ADGRG2: variants seen among roughly 807,000 people sequenced by gnomAD.
ADGRG2 encodes the protein G protein-coupled receptor 64.
Under a neutral mutation model 74.1 loss-of-function variants are expected in ADGRG2, and 26 were observed. The ratio of observed to expected loss-of-function variants is 0.35; its 90% confidence interval spans 0.26 to 0.49. The LOEUF is 0.49. Ranked by LOEUF, ADGRG2 falls within the 20% of genes least tolerant of loss-of-function variation. The pLI is 0.99. For missense variants in ADGRG2, 619 were observed against 763.1 expected, an observed-to-expected ratio of 0.81 and a Z score of 2.22; for synonymous variants, 296 against 295.2, an observed-to-expected ratio of 1.00 and a Z score of -0.03.
chrX:19,053,360 G>C (rs771054180), intron 3 of ADGRG2, among the ~76,000 whole-genome samples: 9 of 110,659 alleles, frequency 8.1e-5, no homozygotes, highest in Middle Eastern at 4.7e-3. Context: ...CGGGGCGGAG[G>C]GGGGGTCACT....
At chrX:19,060,225 G>A (rs60790550) in intron 3 of ADGRG2, among the ~76,000 whole-genome samples, 3,108 of 112,682 alleles carry the variant, frequency 0.028, 103 homozygotes, top group African/African-American at 0.093. Flanking sequence ...ATAACTTGGG[G>A]GATTTGCCAG....
chrX:19,079,592 G>A (rs924551872), intron 2 of ADGRG2, among the ~76,000 whole-genome samples: 2 of 112,063 alleles, frequency 1.8e-5, no homozygotes, highest in African/African-American at 6.5e-5. Context: ...GTGCTGAATA[G>A]GAACTCTAAA....
At position 18,990,422 on chromosome X, in the gene ADGRG2, T is replaced by C. The variant is rs1569348953; in HGVS notation, c.*442A>G. 1 of 113,542 alleles carries C rather than the reference T, an allele frequency of 8.8e-6. No homozygotes were observed. Among genetic ancestry groups the C allele is most frequent in the African/African-American group, 3.2e-5 (1 of 31,024 alleles). The allele number at this position is 113,542 out of a possible 1,213,427, so 9.4% of individuals were successfully genotyped here. On this transcript the variant is annotated 3_prime_UTR_variant, in exon 29 of 29. Coordinates refer to ENST00000379869, the MANE Select transcript of ADGRG2 (RefSeq NM_001079858.3). ...AGTAGAAAATAAATACAAAAAAATG[T>C]AGAAGTAAGATTTTTGACACATGGG...
chrX:19,118,685 G>A (rs756687425), intron 1 of ADGRG2, among the ~76,000 whole-genome samples: 6 of 112,252 alleles, frequency 5.3e-5, no homozygotes, highest in Admixed American at 2.8e-4. Context: ...CACTGTGCCC[G>A]GTTATCAGTT....
Position 19,013,988 on chromosome X carries a change from C to G in ADGRG2, c.797G>C (p.Arg266Pro). The change falls in exon 16 of 29, where the codon CGG becomes CCG. Residue 266 changes from arginine (R) to proline (P), a missense_variant. By Grantham distance (103) the Arg-to-Pro change is moderately radical (BLOSUM62 -2). This residue lies in a region of ADGRG2 where 292 missense variants were observed against 318.0 expected (regional missense o/e 0.92). Transcript: ENST00000379869. ...SSSQSIPVVP[R>P]ATVLSQVPKA... is the part of the protein sequence containing the mutation. Reference sequence around the variant, plus strand: ...GGGGACCTGGGAAAGCACAGTGGCCCGAGGCACCACTGGGATGGATTGGCT... The same window carrying G: ...GGGGACCTGGGAAAGCACAGTGGCCGGAGGCACCACTGGGATGGATTGGCT... The G allele has an allele frequency of 8.3e-7, 1 of 1,209,298 alleles. No homozygotes were observed. The highest frequency in any genetic ancestry group is 1.1e-6 in the Non-Finnish European group (1 of 893,982).
chrX:19,102,406 G>T (rs935547568), intron 1 of ADGRG2, among the ~76,000 whole-genome samples: 3 of 109,960 alleles, frequency 2.7e-5, no homozygotes, highest in African/African-American at 9.9e-5. Context: ...TTCCTCTTTA[G>T]TACTCTTTGT....
In ADGRG2 at chrX:18,999,138, C is replaced by T. The variant is rs765384142; in HGVS notation, c.2472G>A (p.Gln824=). 7.4e-6 allele frequency: 9 copies of T among 1,209,633 alleles called. No homozygotes were observed. The Admixed American group carries it at 1.1e-4, about 15-fold the overall frequency. Residue 824 remains glutamine, a synonymous_variant, in exon 26 of 29, where the codon CAG becomes CAA. Coordinates refer to ENST00000379869, the MANE Select transcript of ADGRG2 (RefSeq NM_001079858.3). ...TGAGGTCTTGAATACTGGTTTTTCGCTGGGCTCCCAGTTGCTTCTTCTTTT... is the reference window on the plus strand; with the variant it reads ...TGAGGTCTTGAATACTGGTTTTTCGTTGGGCTCCCAGTTGCTTCTTCTTTT... ...RIKKKKQLGA[Q]RKTSIQDLRS...
intron 3 of ADGRG2, among the ~76,000 whole-genome samples, chrX:19,055,268 G>A (rs57504811): frequency 2.5e-3 from 246 of 99,666 alleles, no homozygotes; most frequent in South Asian, 0.012. Flanking sequence ...GTGTGTGTGT[G>A]TGTATGTGTG....
At chrX:19,117,018 G>A (rs1467907991) in intron 1 of ADGRG2, among the ~76,000 whole-genome samples, 1 of 112,069 alleles carries the variant, frequency 8.9e-6, no homozygotes, top group Non-Finnish European at 1.9e-5. Flanking sequence ...GTGGCCAGGC[G>A]TGATGGCTCA....
chrX:19,022,738 C>T (rs2060617404), intron 13 of ADGRG2, among the ~76,000 whole-genome samples: 1 of 111,788 alleles, frequency 8.9e-6, no homozygotes, highest in Non-Finnish European at 1.9e-5. Flanking sequence ...ACTCTGTCAC[C>T]CATGCTGGAG....
Position 19,013,674 on chromosome X carries a change from A to G in ADGRG2, c.1099+12T>C, listed in dbSNP as rs2060404315. 8.6e-7 allele frequency: 1 copy of G among 1,160,322 alleles called. No individual in the cohort carries two copies. The highest frequency in any genetic ancestry group is 1.8e-5 in the African/African-American group (1 of 55,237). On this transcript the variant is annotated intron_variant, in intron 16 of 28. Coordinates refer to ENST00000379869, the MANE Select transcript of ADGRG2 (RefSeq NM_001079858.3). ...TGATTGGCAGATTGGCCGCTGTTCA[A>G]GTGACATTTACCTGTCTGGACAGGA...
intron 2 of ADGRG2, among the ~76,000 whole-genome samples, chrX:19,069,972 G>A (rs1438457545): frequency 1.8e-5 from 2 of 112,319 alleles, no homozygotes; most frequent in African/African-American, 3.2e-5. Context: ...AAGAATGCGC[G>A]GTAACACATG....
chrX:19,107,155 C>A (rs1357714155), intron 1 of ADGRG2, among the ~76,000 whole-genome samples: 1 of 111,963 alleles, frequency 8.9e-6, no homozygotes, highest in African/African-American at 3.2e-5. Flanking sequence ...AGCAGCATCA[C>A]CTCACCTAGG....
At chrX:19,046,701 G>C (rs907885597) in intron 3 of ADGRG2, among the ~76,000 whole-genome samples, 3 of 111,876 alleles carry the variant, frequency 2.7e-5, no homozygotes, top group Admixed American at 9.5e-5. Flanking sequence ...AAGAGCAAAG[G>C]GGGGAGGTAA....
At chrX:19,070,052 G>A (rs1233016038) in intron 2 of ADGRG2, among the ~76,000 whole-genome samples, 1 of 112,020 alleles carries the variant, frequency 8.9e-6, no homozygotes, top group Admixed American at 9.4e-5. Context: ...TCCTGCTCCT[G>A]CTGGTTGCCC....
chrX:19,116,933 G>A (rs1025831525), intron 1 of ADGRG2, among the ~76,000 whole-genome samples: 2 of 112,211 alleles, frequency 1.8e-5, no homozygotes, highest in Middle Eastern at 4.6e-3. Flanking sequence ...TTGCACACAG[G>A]AGAAAGACAA....
chrX:19,005,215 C>T (rs2060205090), intron 22 of ADGRG2, among the ~76,000 whole-genome samples: 1 of 112,397 alleles, frequency 8.9e-6, no homozygotes, highest in Non-Finnish European at 1.9e-5. Flanking sequence ...CTGCCTCTTA[C>T]ATTTCTTAGT....
At chrX:19,069,065 C>T (rs187362670) in intron 2 of ADGRG2, among the ~76,000 whole-genome samples, 3 of 111,960 alleles carry the variant, frequency 2.7e-5, no homozygotes, top group Non-Finnish European at 5.6e-5. Flanking sequence ...CAAGGTAGTC[C>T]ATGTGGATTT....
chrX:19,045,233 C>T (rs976832535), intron 3 of ADGRG2, among the ~76,000 whole-genome samples: 3 of 110,390 alleles, frequency 2.7e-5, no homozygotes, highest in Non-Finnish European at 3.8e-5. Context: ...AGGCTCTACT[C>T]TATCCCAGTT....
Sources: allele counts gnomAD v4.1 joint callset (sites outside exome capture counted in the v4.1 genomes callset), GRCh38; gene constraint gnomAD v4.1.1; regional missense constraint gnomAD v4.1.1; transcripts MANE v1.5; gene names NCBI Gene and HGNC (gene_info 2026-07-23, HGNC 2026-07-21).